Variants in LOC128125816 observed in about 807,000 individuals in gnomAD.
At chr12:122,226,501 G>A in the LOC128125816 span, 4 of 698,958 alleles carry the variant, frequency 5.7e-6, no homozygotes, top group Admixed American at 4.0e-5. Flanking sequence ...GTGTAGCTGA[G>A]GAGCACGAAG....
chr12:122,226,516 G>A, the LOC128125816 span: 7 of 698,974 alleles, frequency 1.0e-5, no homozygotes, highest in Admixed American at 1.4e-4. Flanking sequence ...ACGAAGGCGA[G>A]CAGCTCCCGC....
chr12:122,226,444 G>A, the LOC128125816 span: 3 of 693,158 alleles, frequency 4.3e-6, no homozygotes, highest in Admixed American at 4.0e-5. Context: ...TTCAGCACCA[G>A]GAAGTAAGTG....
chr12:122,226,453 TG>T, the LOC128125816 span: 1 of 694,466 alleles, frequency 1.4e-6, no homozygotes, highest in Non-Finnish European at 2.6e-6. Context: ...AGGAAGTAAG[TG>T]GTCCAGCCGG....
chr12:122,226,549 T>C, the LOC128125816 span: 2 of 698,276 alleles, frequency 2.9e-6, no homozygotes, highest in Non-Finnish European at 2.6e-6. Context: ...ACGTGGACGG[T>C]GGACGAGGCC....
At chr12:122,226,556 G>C in the LOC128125816 span, 2 of 698,100 alleles carry the variant, frequency 2.9e-6, no homozygotes, top group Admixed American at 4.0e-5. Context: ...CGGTGGACGA[G>C]GCCGGCATCG....
chr12:122,226,557 G>C, the LOC128125816 span: 6 of 698,092 alleles, frequency 8.6e-6, no homozygotes, highest in African/African-American at 1.8e-5. Context: ...GGTGGACGAG[G>C]CCGGCATCGC....
chr12:122,226,475 C>T, the LOC128125816 span: 6 of 698,676 alleles, frequency 8.6e-6, no homozygotes, highest in East Asian at 8.1e-5. Flanking sequence ...CCAGCAGCAG[C>T]GCCCCGATGA....
chr12:122,226,481 G>A, the LOC128125816 span: 1 of 698,730 alleles, frequency 1.4e-6, no homozygotes. Context: ...GCAGCGCCCC[G>A]ATGAGCACCG....
At chr12:122,226,463 G>A in the LOC128125816 span, 3 of 699,146 alleles carry the variant, frequency 4.3e-6, no homozygotes, top group East Asian at 2.7e-5. Context: ...TGGTCCAGCC[G>A]GCCAGCAGCA....
the LOC128125816 span, chr12:122,226,563 A>G: frequency 2.9e-6 from 2 of 697,942 alleles, no homozygotes; most frequent in Non-Finnish European, 5.2e-6. Context: ...CGAGGCCGGC[A>G]TCGCGCTGCG....
the LOC128125816 span, chr12:122,226,445 GAAGT>G: frequency 1.4e-6 from 1 of 698,942 alleles, no homozygotes; most frequent in Non-Finnish European, 2.6e-6. Context: ...TCAGCACCAG[GAAGT>G]AAGTGGTCCA....
Sources: gnomAD v4.1 joint callset for allele counts on GRCh38, gnomAD v4.1.1 for gene constraint, MANE v1.5 for transcripts.